The following ERCC6L2 variants were observed in gnomAD, a reference collection of about 807,000 sequenced individuals.
ERCC6L2 encodes the protein DNA excision repair protein ERCC-6-like 2.
Under a neutral mutation model 132.0 loss-of-function variants are expected in ERCC6L2, and 77 were observed. The ratio of observed to expected loss-of-function variants is 0.58; its 90% CI spans 0.49 to 0.71. The LOEUF (loss-of-function observed/expected upper bound fraction) is 0.71, where lower values mean the gene tolerates loss of function less well. Among genes scored for constraint, ERCC6L2 ranks in the 30% least tolerant of loss-of-function variants. The pLI, the probability that ERCC6L2 is intolerant of heterozygous loss-of-function variation, is 0.00. For missense variants in ERCC6L2, 1,542 were observed against 1,837.6 expected, an observed-to-expected ratio of 0.84 and a Z score of 2.94; for synonymous variants, 583 against 632.4, an observed-to-expected ratio of 0.92 and a Z score of 1.17.
At chr9:95,956,442 T>C (rs1831606042) in intron 13 of ERCC6L2, among the ~76,000 whole-genome samples, 1 of 152,156 alleles carries the variant, frequency 6.6e-6, no homozygotes, top group African/African-American at 2.4e-5. Context: ...GGTGCACTGA[T>C]ATGTTGGTCC....
At chr9:95,958,704 A>G (rs1831742900) in intron 13 of ERCC6L2, among the ~76,000 whole-genome samples, 1 of 152,158 alleles carries the variant, frequency 6.6e-6, no homozygotes, top group Admixed American at 6.6e-5. Flanking sequence ...TCAATGTACA[A>G]AAATCACAAG....
rs118051618 is a variant in ERCC6L2 at position 95,985,720 on chromosome 9, C to T, written c.3492+7505C>T. ...GTGTCCTTTCCGTAGTATACGAGGC[C>T]TGTCTCAATTGGGCCCTAGTGTGCT... On this transcript the variant is annotated intron_variant, in intron 17 of 18. Transcript: ENST00000653738. Among the ~76,000 whole-genome samples, 415 of 151,476 alleles carry T rather than the reference C, an allele frequency of 2.7e-3. 1 individual carries two copies. The highest frequency in any genetic ancestry group is 3.8e-3 in the Non-Finnish European group (261 of 67,854).
rs187643869 is a variant in ERCC6L2, at chr9:95,879,495, A to G, written c.47-1374A>G. ...GGTTGCTTTAGGTTTTAAGGTGCAA[A>G]TAGTACTGTTATGAAAATTGGGCCC... is the stretch of plus-strand genomic sequence containing the variant. On this transcript the variant is annotated intron_variant, in intron 1 of 18. Coordinates refer to ENST00000653738, the MANE Select transcript of ERCC6L2 (RefSeq NM_020207.7). Among the ~76,000 whole-genome samples, 39 of 152,278 alleles carry G rather than the reference A, an allele frequency of 2.6e-4. No homozygotes were observed. In the Middle Eastern group the frequency reaches 0.014, roughly 53 times the overall value.
At chr9:95,927,443 G>GT (rs1830147975) in intron 9 of ERCC6L2, among the ~76,000 whole-genome samples, 1 of 152,140 alleles carries the variant, frequency 6.6e-6, no homozygotes, top group Non-Finnish European at 1.5e-5. Flanking sequence ...AAGTAACAGT[G>GT]TGACTGTTAT....
chr9:95,971,476 A>G (rs1042261055), intron 15 of ERCC6L2: 2 of 152,210 alleles, frequency 1.3e-5, no homozygotes, highest in African/African-American at 2.4e-5. Context: ...TTTTTAATCA[A>G]TTAGAACAAT....
chr9:95,941,250 A>G (rs1830784440), intron 11 of ERCC6L2, among the ~76,000 whole-genome samples: 1 of 152,180 alleles, frequency 6.6e-6, no homozygotes, highest in Admixed American at 6.6e-5. Context: ...CCAGTTTTTT[A>G]GGGATTTTCT....
chr9:95,912,945 T>C (rs1198014961), intron 4 of ERCC6L2, among the ~76,000 whole-genome samples: 3 of 152,222 alleles, frequency 2.0e-5, no homozygotes, highest in East Asian at 3.8e-4. Flanking sequence ...TAAATGATGC[T>C]GTGGACTTCA....
At position 95,916,307 on chromosome 9, in the gene ERCC6L2, C is replaced by T. The variant is rs1411881441; in HGVS notation, c.1031C>T (p.Thr344Met). ...SDPVEHGQRHTATKRELATGR... is the reference protein window; with the variant it reads ...SDPVEHGQRHMATKRELATGR... ...CCAGTAGAACATGGTCAGAGACACA[C>T]GGCAACAAAGAGAGAACTAGCCACT... is the stretch of plus-strand genomic sequence containing the variant. The change falls in exon 6 of 19, where the codon ACG (threonine) becomes ATG (methionine). Residue 344 changes from threonine to methionine, a missense_variant. Physicochemically the swap from Thr to Met is moderately conservative, Grantham distance 81. Around this residue, in one of 4 missense-constraint regions of ERCC6L2, gnomAD observed 945 missense variants for 1,105.2 expected, o/e 0.86. Coordinates refer to ENST00000653738, the MANE Select transcript of ERCC6L2 (RefSeq NM_020207.7). The T allele has an allele frequency of 5.0e-6, 8 of 1,613,912 alleles. No homozygotes were observed. The highest frequency in any genetic ancestry group is 6.8e-6 in the Non-Finnish European group (8 of 1,179,980).
chr9:96,039,067 T>G, exon 20 of ERCC6L2: 1 of 388,822 alleles, frequency 2.6e-6, no homozygotes, highest in Non-Finnish European at 5.1e-6. Context: ...CTGGCTGACA[T>G]CTTCACTGCA....
chr9:95,884,120 A>C (rs952787571), intron 2 of ERCC6L2, among the ~76,000 whole-genome samples: 33 of 152,140 alleles, frequency 2.2e-4, no homozygotes, highest in African/African-American at 8.0e-4. Flanking sequence ...AAGGACTTGG[A>C]GATGTTCTGG....
At chr9:96,007,601 A>G (rs1022371031) in intron 18 of ERCC6L2, among the ~76,000 whole-genome samples, 2 of 152,148 alleles carry the variant, frequency 1.3e-5, no homozygotes, top group Non-Finnish European at 2.9e-5. Context: ...GAGGTTGGAG[A>G]GCTGTGAGAT....
chr9:95,955,014 A>G (rs1027330865), intron 12 of ERCC6L2: 1 of 401,572 alleles, frequency 2.5e-6, no homozygotes, highest in African/African-American at 2.1e-5. Flanking sequence ...ATTTTCAAGC[A>G]TATAGGCAGT....
chr9:96,022,721 C>T (rs1353019596), downstream of ERCC6L2, among the ~76,000 whole-genome samples: 2 of 152,170 alleles, frequency 1.3e-5, no homozygotes, highest in Non-Finnish European at 2.9e-5. Flanking sequence ...ATCTGGAATG[C>T]CTGCGAGGCC....
chr9:95,883,623 G>A (rs1360920174), intron 2 of ERCC6L2, among the ~76,000 whole-genome samples: 1 of 152,208 alleles, frequency 6.6e-6, no homozygotes, highest in Non-Finnish European at 1.5e-5. Flanking sequence ...CACTTTGGGA[G>A]GCCAAGGCGG....
At chr9:95,920,535 A>G (rs887234527) in intron 6 of ERCC6L2, among the ~76,000 whole-genome samples, 15 of 152,152 alleles carry the variant, frequency 9.9e-5, no homozygotes, top group Admixed American at 2.0e-4. Flanking sequence ...TTATACATGG[A>G]CTTTTGACTG....
At chr9:96,018,779 A>T (rs1485483007), downstream of ERCC6L2, among the ~76,000 whole-genome samples, 1 of 152,000 alleles carries the variant, frequency 6.6e-6, no homozygotes, top group African/African-American at 2.4e-5. Context: ...GCTGCAGGTT[A>T]AACTATGATG....
At chr9:96,001,837 C>T (rs776514020) in intron 17 of ERCC6L2, among the ~76,000 whole-genome samples, 3 of 152,214 alleles carry the variant, frequency 2.0e-5, no homozygotes, top group South Asian at 2.1e-4. Flanking sequence ...TCAGGCATGG[C>T]GGGCTGCAGG....
At chr9:95,992,881 C>A (rs926304705) in intron 17 of ERCC6L2, among the ~76,000 whole-genome samples, 3 of 152,010 alleles carry the variant, frequency 2.0e-5, no homozygotes, top group African/African-American at 7.3e-5. Flanking sequence ...GCCAGTGATA[C>A]GACATATAAC....
In ERCC6L2 at chr9:95,876,036, CG is replaced by C; in HGVS notation, c.-1del. 6.3e-7 allele frequency: 1 copy of C among 1,588,982 alleles called. No individual in the cohort carries two copies. Among genetic ancestry groups the C allele is most frequent in the African/African-American group, 1.3e-5 (1 of 74,390 alleles). ...GCCGGGCTCGGCCCCTCCCCCTGGC[CG>C]GATGGATCCGTCGGCGCCACAGCCC... On this transcript the variant is annotated 5_prime_UTR_variant, in exon 1 of 19. Transcript: ENST00000653738.
Sources: allele counts gnomAD v4.1 joint callset (sites outside exome capture counted in the v4.1 genomes callset), GRCh38; gene constraint gnomAD v4.1.1; regional missense constraint gnomAD v4.1.1; transcripts MANE v1.5; gene names NCBI Gene and HGNC (gene_info 2026-07-23, HGNC 2026-07-21).